PAXIP1: variants seen among roughly 807,000 people sequenced by gnomAD.
The protein encoded by PAXIP1 is PAX interacting protein 1, also known as PAX-interacting protein 1.
A neutral mutation model predicts 140.6 loss-of-function variants in PAXIP1; 19 were observed. That is an observed-to-expected ratio of 0.14 (90% CI 0.09 to 0.20). The LOEUF (loss-of-function observed/expected upper bound fraction) is 0.20. Among genes scored for constraint, PAXIP1 ranks in the 10% least tolerant of loss-of-function variants. The pLI is 1.00. For missense variants in PAXIP1, 920 were observed against 1,208.6 expected (o/e 0.76, Z 3.54); for synonymous variants, 442 against 444.6 (o/e 0.99, Z 0.07).
chr7:154,946,679 C>T lies in PAXIP1; in HGVS notation c.3057G>A (p.Ser1019=). 6.2e-7 allele frequency: 1 copy of T among 1,613,806 alleles called. No individual in the cohort carries two copies. The highest frequency in any genetic ancestry group is 8.5e-7 in the Non-Finnish European group (1 of 1,179,858). Residue 1019 remains serine, a splice_region_variant and synonymous_variant, in exon 18 of 21, where the codon TCG becomes TCA. Coordinates refer to ENST00000404141, the MANE Select transcript of PAXIP1 (RefSeq NM_007349.4). This position sits in a 1 kb window ranked among gnomAD's most constrained non-coding sequence, Gnocchi z 4.9. ...CGCTGGCGGACTCCACTCTACCCAC[C>T]GAGTTCTGCTTGTGCTCCATGAGCT... The part of the protein sequence containing the change: ...FRKLMEHKQN[S]SLSEIILISC...
In PAXIP1 at chr7:154,975,715, C is replaced by T. The variant is rs370070820; in HGVS notation, c.1055G>A (p.Arg352Gln). ...TNNADIQQMN[R>Q]PSNVAHILQT... is the part of the protein sequence containing the mutation. Reference sequence around the variant, plus strand: ...ACTTACATGTGCTACATTTGATGGCCGGTTCATCTGCTGAATGTCAGCATT... The same window carrying T: ...ACTTACATGTGCTACATTTGATGGCTGGTTCATCTGCTGAATGTCAGCATT... The change falls in exon 6 of 21, where the codon CGG (arginine) becomes CAG (glutamine). Residue 352 changes from arginine (R) to glutamine (Q), a missense_variant. Transcript: ENST00000404141. 4.3e-6 allele frequency: 7 copies of T among 1,610,038 alleles called. No individual in the cohort carries two copies. Among genetic ancestry groups the T allele is most frequent in the African/African-American group, 1.3e-5 (1 of 74,818 alleles).
chr7:154,964,306 GCT>G (rs1808902287), intron 8 of PAXIP1: 1 of 153,382 alleles, frequency 6.5e-6, no homozygotes, highest in Non-Finnish European at 1.5e-5. Flanking sequence ...GGAAGGAATT[GCT>G]CTGTGTCCGG....
In PAXIP1 at chr7:154,954,395, G is replaced by A. The variant is rs768008816; in HGVS notation, c.2681C>T (p.Ala894Val). Residue 894 changes from alanine to valine, a missense_variant, in exon 16 of 21, where the codon GCG becomes GTG. Physicochemically the swap from Ala to Val is moderately conservative, Grantham distance 64 (BLOSUM62 0). This residue lies in a region of PAXIP1 where 303 missense variants were observed against 517.9 expected (regional missense o/e 0.59). Coordinates refer to ENST00000404141, the MANE Select transcript of PAXIP1 (RefSeq NM_007349.4). The surrounding 1 kb of genome is among the most constrained non-coding windows in gnomAD (Gnocchi z 5.1). ...KKLYILGGEV[A>V]ESAQKCTHLI... Reference sequence around the variant, plus strand: ...GTGTGTGCACTTCTGTGCAGACTCCGCAACCTCTCCACCAAGAATGTAGAG... The same window carrying A: ...GTGTGTGCACTTCTGTGCAGACTCCACAACCTCTCCACCAAGAATGTAGAG... 1.4e-5 allele frequency: 22 copies of A among 1,568,302 alleles called. No individual in the cohort carries two copies. The highest frequency in any genetic ancestry group is 9.1e-5 in the East Asian group (4 of 43,744).
chr7:154,947,115 A>G (rs1291872341), intron 17 of PAXIP1: 5 of 239,164 alleles, frequency 2.1e-5, no homozygotes, highest in Admixed American at 1.5e-4. Flanking sequence ...TATTTTTCAC[A>G]ATTTCTATAC....
chr7:154,975,640 G>T, intron 6 of PAXIP1, 56 bp downstream of exon 6: 1 of 1,220,374 alleles, frequency 8.2e-7, no homozygotes, highest in Non-Finnish European at 1.2e-6. Context: ...GAAATAGACT[G>T]TGAAATCCAA....
At position 154,976,311 on chromosome 7, in the gene PAXIP1, T is replaced by C. The variant is rs779993090; in HGVS notation, c.459A>G (p.Leu153=). 5.6e-6 allele frequency: 9 copies of C among 1,592,978 alleles called. No individual in the cohort carries two copies. The highest frequency in any genetic ancestry group is 7.7e-6 in the Non-Finnish European group (9 of 1,169,702). ...TCACAATTTTAATACTTGCTCGCTTTAAAGCACATTCGTATTTCTCCTACG... is the reference window on the plus strand; with the variant it reads ...TCACAATTTTAATACTTGCTCGCTTCAAAGCACATTCGTATTTCTCCTACG... ...EPKGEKYECA[L]KRASIKIVTP... The change falls in exon 6 of 21, where the codon TTA becomes TTG. Residue 153 remains leucine, a synonymous_variant. Transcript: ENST00000404141.
chr7:154,946,412 T>C lies in PAXIP1; in HGVS notation c.3147A>G (p.Ala1049=). The part of the protein sequence containing the change: ...YFARGIDVHN[A]EFVLTGVLTQ... ...TGAGCACTCCAGTCAGAACGAACTC[T>C]GCATTGTGAACATCTGAACAGGGTG... Residue 1049 remains alanine (A), a synonymous_variant, in exon 20 of 21, where the codon GCA becomes GCG. Coordinates refer to ENST00000404141, the MANE Select transcript of PAXIP1 (RefSeq NM_007349.4). This position sits in a 1 kb window ranked among gnomAD's most constrained non-coding sequence, Gnocchi z 4.9. 7 of 1,613,908 alleles carry C rather than the reference T, an allele frequency of 4.3e-6. No individual in the cohort carries two copies. In the Admixed American group the frequency reaches 1.0e-4, roughly 23 times the overall value.
chr7:154,976,745 C>T (rs1296325299), intron 5 of PAXIP1, among the ~76,000 whole-genome samples: 1 of 152,102 alleles, frequency 6.6e-6, no homozygotes, highest in African/African-American at 2.4e-5. Context: ...GGCAGAGTGC[C>T]GCCAATGCAT....
chr7:154,975,356 T>C (rs1036051011), intron 6 of PAXIP1, among the ~76,000 whole-genome samples: 5 of 152,166 alleles, frequency 3.3e-5, no homozygotes, highest in Non-Finnish European at 7.4e-5. Flanking sequence ...TAAACTTCAT[T>C]ATTCTCTTTG....
chr7:154,991,751 C>T (rs1291083150), intron 3 of PAXIP1, among the ~76,000 whole-genome samples: 3 of 152,176 alleles, frequency 2.0e-5, no homozygotes, highest in African/African-American at 7.2e-5. Context: ...TCTCTATGTG[C>T]CTGTAATTCA....
intron 3 of PAXIP1, among the ~76,000 whole-genome samples, chr7:154,992,119 C>G (rs1810358970): frequency 6.6e-6 from 1 of 152,172 alleles, no homozygotes; most frequent in African/African-American, 2.4e-5. Flanking sequence ...TCTCAGAGTG[C>G]ACTGTCTACC....
intron 4 of PAXIP1, among the ~76,000 whole-genome samples, chr7:154,988,255 T>C (rs1810164276): frequency 6.6e-6 from 1 of 152,124 alleles, no homozygotes; most frequent in African/African-American, 2.4e-5. Context: ...TCCCTTCCCA[T>C]TTCCTCCAAT....
chr7:154,951,139 G>C (rs1319018336), intron 16 of PAXIP1: 1 of 152,194 alleles, frequency 6.6e-6, no homozygotes, highest in Non-Finnish European at 1.5e-5. Flanking sequence ...GACTGGCCAA[G>C]AGTGAGCCCT....
intron 4 of PAXIP1, among the ~76,000 whole-genome samples, chr7:154,985,371 T>C (rs78577285): frequency 0.016 from 2,431 of 152,200 alleles, 56 homozygotes; most frequent in African/African-American, 0.054. Context: ...GGCTCCCCCA[T>C]AGTGTCCAGG....
At chr7:154,998,862 G>A in intron 1 of PAXIP1, 78 bp from the exon 2 acceptor site, 1 of 1,237,044 alleles carries the variant, frequency 8.1e-7, no homozygotes, top group South Asian at 1.4e-5. Context: ...ATAATTATTG[G>A]GCATAATAGT....
intron 4 of PAXIP1, 156 bp from the exon 5 acceptor site, chr7:154,983,488 T>A (rs1047950613): frequency 2.2e-5 from 12 of 557,376 alleles, no homozygotes; most frequent in Non-Finnish European, 3.8e-5. Flanking sequence ...TTTAGCTATC[T>A]GCTTATTATA....
At chr7:154,945,432 AAATGT>A in intron 20 of PAXIP1, 1 of 533,412 alleles carries the variant, frequency 1.9e-6, no homozygotes, top group Non-Finnish European at 2.4e-6. Context: ...AAATATACTT[AAATGT>A]AATTACCTGG....
chr7:154,946,839 T>C lies in PAXIP1; in HGVS notation c.2923-26A>G. The C allele has an allele frequency of 6.8e-7, 1 of 1,476,358 alleles. No individual in the cohort carries two copies. The highest frequency in any genetic ancestry group is 9.2e-7 in the Non-Finnish European group (1 of 1,082,640). 91.5% of individuals were successfully genotyped at this position (1,476,358 alleles called of 1,614,324 possible). A position where few individuals can be genotyped will look rare whatever the true frequency, so the allele number is the denominator to read the frequency against. On this transcript the variant is annotated intron_variant, in intron 17 of 20. Transcript: ENST00000404141. The surrounding 1 kb of genome is among the most constrained non-coding windows in gnomAD (Gnocchi z 4.9). ...CTAAAATTAAATGAAAATATATGTA[T>C]TATGTTCTTAAAATGCTTTAATTTT...
intron 13 of PAXIP1, among the ~76,000 whole-genome samples, chr7:154,957,973 C>CA (rs35027196): frequency 0.49 from 44,635 of 91,486 alleles, 10,741 homozygotes; most frequent in South Asian, 0.57. Context: ...GACTCCGTCT[C>CA]AAAAAAAAAA....
Sources: gnomAD v4.1 joint callset for allele counts (sites outside exome capture counted in the v4.1 genomes callset) on GRCh38, gnomAD v4.1.1 for gene constraint, gnomAD v4.1.1 regional missense constraint, Gnocchi (gnomAD v3.1) non-coding constraint, MANE v1.5 for transcripts, NCBI Gene and HGNC (gene_info 2026-07-23, HGNC 2026-07-21) for gene names.